LRRC24: variants seen among roughly 807,000 people sequenced by gnomAD.
The protein encoded by LRRC24 is leucine-rich repeat-containing protein 24.
LRRC24 carries 19 observed loss-of-function variants against 15.3 expected under a neutral mutation model. The observed-to-expected ratio is 1.25, with a 90% confidence interval of 0.87 to 1.83. The LOEUF (loss-of-function observed/expected upper bound fraction) is 1.83. LRRC24 is among the 40% of genes most tolerant of loss of function. The pLI is 0.00. For synonymous variants in LRRC24, 469 were observed against 359.6 expected (o/e 1.30, Z -3.44); for missense variants, 914 against 723.9 (o/e 1.26, Z -3.01).
chr8:144,522,524 C>G lies in LRRC24; in HGVS notation c.1493G>C (p.Gly498Ala). Residue 498 changes from glycine (G) to alanine (A), a missense_variant, in exon 5 of 5, where the codon GGG becomes GCG. Gly to Ala is a moderately conservative substitution (Grantham distance 60). Transcript: ENST00000529415. Reference protein sequence around the residue: ...PADCGPEQGAGPGLRVPPPVA... With the variant: ...PADCGPEQGAAPGLRVPPPVA... ...CGGCGGGGGCACGCGGAGTCCCGGC[C>G]CCGCCCCCTGTTCCGGGCCGCAGTC... The G allele has an allele frequency of 6.6e-7, 1 of 1,515,384 alleles. No individual in the cohort carries two copies. Among genetic ancestry groups the G allele is most frequent in the Non-Finnish European group, 8.8e-7 (1 of 1,134,636 alleles). The allele number at this position is 1,515,384 out of a possible 1,614,324, so 93.9% of individuals were successfully genotyped here.
rs1441867221 is a variant in LRRC24, at chr8:144,524,886, T to C, written c.89A>G (p.Tyr30Cys). The change falls in exon 2 of 5, where the codon TAC becomes TGC. Residue 30 changes from tyrosine (Y) to cysteine (C), a missense_variant. Physicochemically the swap from Tyr to Cys is radical, Grantham distance 194. Transcript: ENST00000529415. ...AAGCPAACRC[Y>C]SATVECGALR... ...GGCGCCACACTCCACCGTGGCGCTG[T>C]AGCAGCGGCAGGCTGCTGGGCAGCC... 6.6e-7 allele frequency: 1 copy of C among 1,515,008 alleles called. No homozygotes were observed. The highest frequency in any genetic ancestry group is 1.2e-5 in the South Asian group (1 of 82,826). The allele number at this position is 1,515,008 out of a possible 1,614,324, so 93.8% of individuals were successfully genotyped here.
chr8:144,524,730 G>A lies in LRRC24; in HGVS notation c.160-11C>T, dbSNP rs184622405. Reference sequence around the variant, plus strand: ...CTGCAGGAACAGTGTCTGCAGGCCGGGGAAAGAGGAGGCGCTTACCCCGTT... The same window carrying A: ...CTGCAGGAACAGTGTCTGCAGGCCGAGGAAAGAGGAGGCGCTTACCCCGTT... On this transcript the variant is annotated splice_polypyrimidine_tract_variant and intron_variant, in intron 2 of 4. Transcript: ENST00000529415. 419 of 1,443,786 alleles carry A rather than the reference G, an allele frequency of 2.9e-4. 1 individual carries two copies. The African/African-American group carries it at 5.9e-3, about 20-fold the overall frequency. The allele number at this position is 1,443,786 out of a possible 1,614,324, so 89.4% of individuals were successfully genotyped here.
chr8:144,525,195 T>A (rs1816319705), intron 1 of LRRC24, 162 bp from the exon 2 acceptor site: 2 of 450,546 alleles, frequency 4.4e-6, no homozygotes, highest in Non-Finnish European at 7.4e-6. Context: ...CTTAAAGCTC[T>A]GGGGCATCAG....
rs1816207423 is a variant in LRRC24 at position 144,523,352 on chromosome 8, C to T, written c.665G>A (p.Gly222Asp). ...CCTGGAGGTGAGCAGCCGCTGGCCGCCCTCCTTGATCCAGGCACCCAGCCA... is the reference window on the plus strand; with the variant it reads ...CCTGGAGGTGAGCAGCCGCTGGCCGTCCTCCTTGATCCAGGCACCCAGCCA... The part of the protein sequence containing the change: ...LHWLGAWIKE[G>D]GQRLLTSRDR... Residue 222 changes from glycine (G) to aspartate (D), a missense_variant, in exon 5 of 5, where the codon GGC becomes GAC. Transcript: ENST00000529415. 4 of 1,583,206 alleles carry T rather than the reference C, an allele frequency of 2.5e-6. No homozygotes were observed. The African/African-American group carries it at 5.4e-5, about 21-fold the overall frequency.
Position 144,522,427 on chromosome 8 carries a change from C to T in LRRC24, c.*48G>A, listed in dbSNP as rs1349066779. The T allele has an allele frequency of 1.3e-5, 18 of 1,381,948 alleles. No individual in the cohort carries two copies. The highest frequency in any genetic ancestry group is 1.7e-5 in the Non-Finnish European group (18 of 1,076,164). 85.6% of individuals were successfully genotyped at this position (1,381,948 alleles called of 1,614,324 possible). A position where few individuals can be genotyped will look rare whatever the true frequency, so the allele number is the denominator to read the frequency against. On this transcript the variant is annotated 3_prime_UTR_variant, in exon 5 of 5. Transcript: ENST00000529415. ...CTTTACTGACGGAGCATGCGCGAGG[C>T]CGCACCGGCCAATCTCCGGCGCCCA... is the stretch of plus-strand genomic sequence containing the variant.
chr8:144,524,039 T>A lies in LRRC24; in HGVS notation c.607+71A>T, dbSNP rs1403566014. 1.1e-5 allele frequency: 17 copies of A among 1,530,990 alleles called. No homozygotes were observed. The East Asian group carries it at 3.4e-4, about 31-fold the overall frequency. The allele number at this position is 1,530,990 out of a possible 1,614,324, so 94.8% of individuals were successfully genotyped here. ...CCCAGTTGCCTGATGTCAGAGCCCC[T>A]CCACACATGAGCCTGCTCCCTACTG... On this transcript the variant is annotated intron_variant, in intron 4 of 4. Transcript: ENST00000529415.
At position 144,524,926 on chromosome 8, in the gene LRRC24, G is replaced by T; in HGVS notation, c.49C>A (p.Pro17Thr). ...ALLPLLLLLL[P>T]LRAAGCPAAC... ...GCTGGGCAGCCGGCGGCGCGGAGCG[G>T]CAGTAGTAGCAGCAGCAGCGGCAGC... Residue 17 changes from proline to threonine, a missense_variant, in exon 2 of 5, where the codon CCG becomes ACG. Transcript: ENST00000529415. The T allele has an allele frequency of 6.6e-7, 1 of 1,511,984 alleles. No individual in the cohort carries two copies. Among genetic ancestry groups the T allele is most frequent in the Non-Finnish European group, 8.8e-7 (1 of 1,131,468 alleles). 93.7% of individuals were successfully genotyped at this position (1,511,984 alleles called of 1,614,324 possible). A position where few individuals can be genotyped will look rare whatever the true frequency, so the allele number is the denominator to read the frequency against.
chr8:144,524,936 C>T lies in LRRC24; in HGVS notation c.39G>A (p.Leu13=), dbSNP rs1410968744. ...LRAPALLPLL[L]LLLPLRAAGC... is the part of the protein sequence containing the mutation. ...CGGCGGCGCGGAGCGGCAGTAGTAG[C>T]AGCAGCAGCGGCAGCAGTGCGGGGG... is the stretch of plus-strand genomic sequence containing the variant. Residue 13 remains leucine, a synonymous_variant, in exon 2 of 5, where the codon CTG becomes CTA. Transcript: ENST00000529415. 1.3e-5 allele frequency: 20 copies of T among 1,508,024 alleles called. No homozygotes were observed. The highest frequency in any genetic ancestry group is 2.0e-5 in the Admixed American group (1 of 48,862). The allele number at this position is 1,508,024 out of a possible 1,614,324, so 93.4% of individuals were successfully genotyped here.
intron 1 of LRRC24, chr8:144,525,842 G>A (rs947126703): frequency 2.0e-5 from 3 of 152,272 alleles, no homozygotes; most frequent in African/African-American, 4.8e-5. Context: ...TGGGTTTCTG[G>A]TGTGGCTTCC....
At position 144,524,014 on chromosome 8, in the gene LRRC24, C is replaced by T. The variant is rs1227117565; in HGVS notation, c.607+96G>A. The T allele has an allele frequency of 4.2e-6, 6 of 1,414,506 alleles. No homozygotes were observed. The Admixed American group carries it at 8.5e-5, about 20-fold the overall frequency. The allele number at this position is 1,414,506 out of a possible 1,614,324, so 87.6% of individuals were successfully genotyped here. On this transcript the variant is annotated intron_variant, in intron 4 of 4. Coordinates refer to ENST00000529415, the MANE Select transcript of LRRC24 (RefSeq NM_001024678.4). Reference sequence around the variant, plus strand: ...GGTGGTGCAGCCTTCCAGACTGCTGCCCAGTTGCCTGATGTCAGAGCCCCT... The same window carrying T: ...GGTGGTGCAGCCTTCCAGACTGCTGTCCAGTTGCCTGATGTCAGAGCCCCT...
At position 144,524,474 on chromosome 8, in the gene LRRC24, C is replaced by T. The variant is rs778459411; in HGVS notation, c.405G>A (p.Ala135=). 4.1e-5 allele frequency: 65 copies of T among 1,597,714 alleles called. No individual in the cohort carries two copies. In the African/African-American group the frequency reaches 7.2e-4, roughly 18 times the overall value. Residue 135 remains alanine, a synonymous_variant, in exon 3 of 5, where the codon GCG becomes GCA. Transcript: ENST00000529415. ...RVLYLAGNQL[A]RLLDFTFLHL... Reference sequence around the variant, plus strand: ...GCAAGAAGGTGAAATCCAGCAGCCGCGCCAGCTGGTTGCCCGCCAGGTAGA... The same window carrying T: ...GCAAGAAGGTGAAATCCAGCAGCCGTGCCAGCTGGTTGCCCGCCAGGTAGA...
In LRRC24 at chr8:144,524,703, T is replaced by A; in HGVS notation, c.176A>T (p.Asp59Val). Residue 59 changes from aspartate (D) to valine (V), a missense_variant, in exon 3 of 5, where the codon GAC becomes GTC. Coordinates refer to ENST00000529415, the MANE Select transcript of LRRC24 (RefSeq NM_001024678.4). ...PPGTQTLFLQ[D>V]NNIARLEPGA... The stretch of plus-strand genomic sequence containing the variant: ...CGGCTCTAGGCGGGCGATGTTGTTG[T>A]CCTGCAGGAACAGTGTCTGCAGGCC... The A allele has an allele frequency of 6.8e-7, 1 of 1,463,018 alleles. No homozygotes were observed. Among genetic ancestry groups the A allele is most frequent in the Non-Finnish European group, 9.0e-7 (1 of 1,117,206 alleles). 90.6% of individuals were successfully genotyped at this position (1,463,018 alleles called of 1,614,324 possible).
intron 3 of LRRC24, 68 bp from the exon 4 acceptor site, chr8:144,524,346 C>T (rs1363577806): frequency 1.3e-6 from 2 of 1,597,648 alleles, no homozygotes; most frequent in Admixed American, 1.7e-5. Context: ...CTCTTCTTAC[C>T]AAGCTAGACT....
intron 4 of LRRC24, 196 bp from the exon 5 acceptor site, chr8:144,523,605 C>T (rs1392467660): frequency 5.1e-6 from 4 of 788,594 alleles, no homozygotes; most frequent in African/African-American, 3.6e-5. Context: ...GCCCCCCTCC[C>T]CTTTAGCTCT....
At position 144,522,827 on chromosome 8, in the gene LRRC24, C is replaced by T. The variant is rs1287560702; in HGVS notation, c.1190G>A (p.Arg397His). The T allele has an allele frequency of 2.0e-6, 3 of 1,469,534 alleles. No individual in the cohort carries two copies. Among genetic ancestry groups the T allele is most frequent in the South Asian group, 2.6e-5 (2 of 77,342 alleles). 91.0% of individuals were successfully genotyped at this position (1,469,534 alleles called of 1,614,324 possible). A position where few individuals can be genotyped will look rare whatever the true frequency, so the allele number is the denominator to read the frequency against. The change falls in exon 5 of 5, where the codon CGC (arginine) becomes CAC (histidine). Residue 397 changes from arginine (R) to histidine (H), a missense_variant. By Grantham distance (29) the Arg-to-His change is conservative. Coordinates refer to ENST00000529415, the MANE Select transcript of LRRC24 (RefSeq NM_001024678.4). ...CGTCTGTGTGGCCACGCCCAGGGCG[C>T]GGAAGGCCATGCTGCCCGCCTCGGG... ...PRPEAGSMAF[R>H]ALGVATQTAI...
intron 1 of LRRC24, chr8:144,526,279 TGTCTCAGGACGC>T (rs1472023160): frequency 1.3e-5 from 2 of 152,260 alleles, no homozygotes; most frequent in African/African-American, 4.8e-5. Context: ...AGTTCCCAGA[TGTCTCAGGACGC>T]GTGTGAACCC....
intron 1 of LRRC24, chr8:144,525,702 T>C (rs1586858027): frequency 6.6e-6 from 1 of 152,066 alleles, no homozygotes; most frequent in Non-Finnish European, 1.5e-5. Context: ...AGAAAAATAA[T>C]AGGAAATTCG....
intron 1 of LRRC24, 75 bp from the exon 2 acceptor site, chr8:144,525,108 G>T: frequency 9.8e-7 from 1 of 1,020,526 alleles, no homozygotes; most frequent in Non-Finnish European, 1.3e-6. Flanking sequence ...CTGCACCTGC[G>T]TCTAACTTTT....
rs372359195 is a variant in LRRC24, at chr8:144,523,216, C to T, written c.801G>A (p.Leu267=). 1.4e-5 allele frequency: 22 copies of T among 1,609,258 alleles called. No homozygotes were observed. Among genetic ancestry groups the T allele is most frequent in the Non-Finnish European group, 1.8e-5 (21 of 1,178,502 alleles). ...CCTCACCCAGGTTGGCTGTGAGCTC[C>T]AGCGGCTGCACGTGGACAGAGGGCG... is the stretch of plus-strand genomic sequence containing the variant. The part of the protein sequence containing the change: ...CIPPSVHVQP[L]ELTANLGEDL... Residue 267 remains leucine, a synonymous_variant, in exon 5 of 5, where the codon CTG becomes CTA. Transcript: ENST00000529415.
Sources: allele counts gnomAD v4.1 joint callset, GRCh38; gene constraint gnomAD v4.1.1; transcripts MANE v1.5; gene names NCBI Gene and HGNC (gene_info 2026-07-23, HGNC 2026-07-21).